The following KY variants were observed in gnomAD, a reference collection of about 807,000 sequenced individuals.
KY encodes kyphoscoliosis peptidase.
A neutral mutation model predicts 76.1 loss-of-function variants in KY; 43 were observed. That is an observed-to-expected ratio of 0.57 (90% CI 0.44 to 0.73). KY has a LOEUF of 0.73. Among genes scored for constraint, KY ranks in the 30% least tolerant of loss-of-function variants. The pLI, the probability that KY is intolerant of heterozygous loss-of-function variation, is 0.00. For synonymous variants in KY, 277 were observed against 326.2 expected (o/e 0.85, Z 1.63); for missense variants, 722 against 828.9 (o/e 0.87, Z 1.58).
chr3:134,649,071 C>T (rs1966774268), intron 1 of KY, among the ~76,000 whole-genome samples: 1 of 152,196 alleles, frequency 6.6e-6, no homozygotes, highest in Non-Finnish European at 1.5e-5. Context: ...CTCTGCCCAC[C>T]AGGCATCAAA....
chr3:134,610,432 C>T, intron 8 of KY, 49 bp from the exon 9 acceptor site: 1 of 1,533,520 alleles, frequency 6.5e-7, no homozygotes, highest in South Asian at 1.2e-5. Context: ...TGTGGCTTGC[C>T]TCCAAGTCTG....
Position 134,603,557 on chromosome 3 carries a change from G to C in KY, c.*22C>G. 1 of 1,549,504 alleles carries C rather than the reference G, an allele frequency of 6.5e-7. No homozygotes were observed. The highest frequency in any genetic ancestry group is 1.2e-5 in the South Asian group (1 of 80,112). ...GAGGTCTGGCCTTGGCCCTTTGGGA[G>C]GGTAAGACCGGGGCACAGCCCTCAC... is the stretch of plus-strand genomic sequence containing the variant. On this transcript the variant is annotated 3_prime_UTR_variant, in exon 11 of 11. Coordinates refer to ENST00000423778, the MANE Select transcript of KY (RefSeq NM_178554.6).
In KY at chr3:134,603,466, G is replaced by T; in HGVS notation, c.*113C>A. The stretch of plus-strand genomic sequence containing the variant: ...GGTGGGACACTGAGGCAGAGGCCTA[G>T]AAGGGATTTCATGCAGACTCAGTGG... On this transcript the variant is annotated 3_prime_UTR_variant, in exon 11 of 11. Coordinates refer to ENST00000423778, the MANE Select transcript of KY (RefSeq NM_178554.6). 1.1e-6 allele frequency: 1 copy of T among 941,722 alleles called. No individual in the cohort carries two copies. The allele number at this position is 941,722 out of a possible 1,614,324, so 58.3% of individuals were successfully genotyped here. A position where few individuals can be genotyped will look rare whatever the true frequency, so the allele number is the denominator to read the frequency against.
intron 3 of KY, among the ~76,000 whole-genome samples, chr3:134,638,940 G>A (rs1175601723): frequency 6.6e-6 from 1 of 152,192 alleles, no homozygotes; most frequent in Non-Finnish European, 1.5e-5. Context: ...ACATGCACAC[G>A]GGTGTATATG....
At position 134,600,820 on chromosome 3, in the gene KY, G is replaced by A. The variant is rs1222971923; in HGVS notation, c.*2759C>T. ...CCTTGTCTTTTCAACACACCAGGTT[G>A]TCCCCCAGGATGCCCTCACAGCTTG... is the stretch of plus-strand genomic sequence containing the variant. On this transcript the variant is annotated 3_prime_UTR_variant, in exon 11 of 11. Transcript: ENST00000423778. The A allele has an allele frequency of 6.6e-6, 1 of 152,288 alleles. No homozygotes were observed. The highest frequency in any genetic ancestry group is 2.4e-5 in the African/African-American group (1 of 41,464). The allele number at this position is 152,288 out of a possible 1,614,324, so 9.4% of individuals were successfully genotyped here.
chr3:134,609,495 T>C (rs1959930491), intron 9 of KY, among the ~76,000 whole-genome samples: 1 of 152,070 alleles, frequency 6.6e-6, no homozygotes, highest in African/African-American at 2.4e-5. Flanking sequence ...AGTGTCAAGA[T>C]TTAAGGTGCA....
intron 8 of KY, among the ~76,000 whole-genome samples, chr3:134,614,043 G>A (rs1961041158): frequency 6.6e-6 from 1 of 152,182 alleles, no homozygotes. Flanking sequence ...CTCAGTGGCT[G>A]CCCTAGATGT....
At position 134,614,568 on chromosome 3, in the gene KY, C is replaced by T. The variant is rs1395769719; in HGVS notation, c.711-4185G>A. On this transcript the variant is annotated intron_variant, in intron 8 of 10. Transcript: ENST00000423778. Reference sequence around the variant, plus strand: ...CCAAATGTGGCCTGATGGGAAGAGACTGAACAGAGGGGCAGCCAAGCAGAA... The same window carrying T: ...CCAAATGTGGCCTGATGGGAAGAGATTGAACAGAGGGGCAGCCAAGCAGAA... 3.9e-5 allele frequency among the ~76,000 whole-genome samples: 6 copies of T among 151,954 alleles called. 1 individual carries two copies. Among genetic ancestry groups the T allele is most frequent in the Non-Finnish European group, 8.8e-5 (6 of 67,996 alleles).
chr3:134,632,744 A>T (rs1577735448), intron 3 of KY, among the ~76,000 whole-genome samples: 1 of 151,950 alleles, frequency 6.6e-6, no homozygotes, highest in Admixed American at 6.5e-5. Context: ...GAAGAAAATC[A>T]TAAAAATAAG....
In KY at chr3:134,643,318, T is replaced by C. The variant is rs1322913008; in HGVS notation, c.260A>G (p.Gln87Arg). Reference protein sequence around the residue: ...QPQVITSYNSQGTQLTVEVHP... With the variant: ...QPQVITSYNSRGTQLTVEVHP... Reference sequence around the variant, plus strand: ...ACGGCTAGCGGCGAATCACTTACCTTGGCTGTTGTAGGAAGTGATGACCTG... The same window carrying C: ...ACGGCTAGCGGCGAATCACTTACCTCGGCTGTTGTAGGAAGTGATGACCTG... The change falls in exon 3 of 11, where the codon CAA becomes CGA. Residue 87 changes from glutamine (Q) to arginine (R), a missense_variant and splice_region_variant. This residue lies in a region of KY where 170 missense variants were observed against 148.1 expected (regional missense o/e 1.15). Transcript: ENST00000423778. The C allele has an allele frequency of 1.9e-6, 3 of 1,613,710 alleles. No individual in the cohort carries two copies. Among genetic ancestry groups the C allele is most frequent in the Non-Finnish European group, 2.5e-6 (3 of 1,179,840 alleles).
At chr3:134,607,387 G>A in intron 10 of KY, 1 of 985,590 alleles carries the variant, frequency 1.0e-6, no homozygotes, top group East Asian at 1.1e-4. Flanking sequence ...GCCCTGCAAT[G>A]TGGGTTGGAG....
intron 1 of KY, 65 bp from the exon 2 acceptor site, chr3:134,647,562 G>A: frequency 1.0e-6 from 1 of 960,700 alleles, no homozygotes; most frequent in Non-Finnish European, 1.7e-6. Flanking sequence ...ACCAGTTGCA[G>A]ACTTATCTAG....
chr3:134,633,138 G>T (rs1964454182), intron 3 of KY, among the ~76,000 whole-genome samples: 1 of 151,932 alleles, frequency 6.6e-6, no homozygotes, highest in Admixed American at 6.6e-5. Flanking sequence ...CCCCCCAAAA[G>T]CCAGGCCCAG....
At chr3:134,644,815 C>G (rs1446011038) in intron 2 of KY, among the ~76,000 whole-genome samples, 2 of 152,250 alleles carry the variant, frequency 1.3e-5, no homozygotes, top group African/African-American at 2.4e-5. Context: ...CCTGGAAAGC[C>G]TGCCTCCTCC....
chr3:134,603,871 C>T lies in KY; in HGVS notation c.1694G>A (p.Trp565Ter), dbSNP rs1413605055. 4 of 1,613,904 alleles carry T rather than the reference C, an allele frequency of 2.5e-6. No individual in the cohort carries two copies. In the East Asian group the frequency reaches 6.7e-5, roughly 27 times the overall value. The change falls in exon 11 of 11, where the codon TGG (tryptophan) becomes TAG (stop). Residue 565 changes from tryptophan to a stop codon, truncating the protein, a stop_gained. Transcript: ENST00000423778. LOFTEE classifies it high-confidence loss of function. ...GCCAAAGCTCTCAGGGAACATGGGC[C>T]AGTTCACCTTGGTGTTGGCACAGCA... The part of the protein sequence containing the change: ...LVCCANTKVN[W>*]PMFPESFGNW...
rs1330582332 is a variant in KY, at chr3:134,602,666, G to C, written c.*913C>G. On this transcript the variant is annotated 3_prime_UTR_variant, in exon 11 of 11. Transcript: ENST00000423778. ...CCCAAGGGCCTGGCCAGCCTCTGGA[G>C]GCTCTCTGTGGAGGTGGGGCAGGGG... Among the ~76,000 whole-genome samples the C allele has an allele frequency of 6.6e-6, 1 of 152,148 alleles. No homozygotes were observed. The highest frequency in any genetic ancestry group is 2.4e-5 in the African/African-American group (1 of 41,434).
At chr3:134,629,361 A>G in intron 4 of KY, 1 of 463,854 alleles carries the variant, frequency 2.2e-6, no homozygotes. Context: ...CAGCAACAAC[A>G]CTCTTGTGAT....
intron 3 of KY, among the ~76,000 whole-genome samples, chr3:134,630,654 T>A (rs1964089840): frequency 6.6e-6 from 1 of 152,110 alleles, no homozygotes; most frequent in South Asian, 2.1e-4. Context: ...AACTGTGGGG[T>A]AGATTAAGGC....
At chr3:134,625,199 C>A (rs1963267900) in intron 5 of KY, 64 bp from the exon 6 acceptor site, 1 of 1,304,850 alleles carries the variant, frequency 7.7e-7, no homozygotes, top group East Asian at 2.5e-5. Flanking sequence ...CTGGCCTAGG[C>A]CTTGCTGTCT....
Sources: allele counts gnomAD v4.1 joint callset (sites outside exome capture counted in the v4.1 genomes callset), GRCh38; gene constraint gnomAD v4.1.1; regional missense constraint gnomAD v4.1.1; transcripts MANE v1.5; gene names NCBI Gene and HGNC (gene_info 2026-07-23, HGNC 2026-07-21).